The following LIPJ variants were observed in gnomAD, a reference collection of about 807,000 sequenced individuals.
The protein encoded by LIPJ is lipase member J.
LIPJ carries 33 observed loss-of-function variants against 39.8 expected under a neutral mutation model. The ratio of observed to expected loss-of-function variants is 0.83; its 90% CI spans 0.63 to 1.11. LIPJ has a LOEUF of 1.11. LIPJ is among the 50% of genes least tolerant of loss of function. The pLI is 0.00. For synonymous variants in LIPJ, 128 were observed against 139.2 expected, an observed-to-expected ratio of 0.92 and a Z score of 0.57; for missense variants, 422 against 427.9, an observed-to-expected ratio of 0.99 and a Z score of 0.12.
At chr10:88,594,261 C>A in intron 5 of LIPJ, 117 bp downstream of exon 5, 1 of 708,732 alleles carries the variant, frequency 1.4e-6, no homozygotes, top group Non-Finnish European at 2.3e-6. Flanking sequence ...TTTCCATAGA[C>A]TATTACAATT....
the LIPJ span, among the ~76,000 whole-genome samples, chr10:88,619,257 T>C: frequency 1.8e-4 from 27 of 151,230 alleles, no homozygotes; most frequent in African/African-American, 6.6e-4. Flanking sequence ...ACCAGCTGTA[T>C]GGTCTGGGCA....
intron 8 of LIPJ, among the ~76,000 whole-genome samples, chr10:88,598,426 T>C (rs1227022367): frequency 6.6e-6 from 1 of 152,032 alleles, no homozygotes; most frequent in Non-Finnish European, 1.5e-5. Context: ...GGAAAATGTA[T>C]CATCAAACAA....
chr10:88,598,977 T>A (rs1851360810), intron 8 of LIPJ, among the ~76,000 whole-genome samples: 1 of 141,878 alleles, frequency 7.0e-6, no homozygotes, highest in Non-Finnish European at 1.5e-5. Flanking sequence ...ATTATATTAT[T>A]ACAATAATAT....
chr10:88,595,272 A>G (rs1474950229), intron 6 of LIPJ, among the ~76,000 whole-genome samples: 2 of 151,766 alleles, frequency 1.3e-5, no homozygotes, highest in South Asian at 2.1e-4. Flanking sequence ...TCTAATGCCT[A>G]TCTAATACAT....
the LIPJ span, among the ~76,000 whole-genome samples, chr10:88,616,438 A>G: frequency 6.6e-6 from 1 of 152,346 alleles, no homozygotes; most frequent in Non-Finnish European, 1.5e-5. Flanking sequence ...GGCTCAAAGC[A>G]TAAGATCCTC....
chr10:88,583,637 T>G, upstream of LIPJ: 1 of 988,878 alleles, frequency 1.0e-6, no homozygotes, highest in Non-Finnish European at 1.2e-6. Flanking sequence ...AAGAAGAATT[T>G]ACCAGCGATA....
chr10:88,602,283 G>T (rs975209702), intron 8 of LIPJ, among the ~76,000 whole-genome samples: 5 of 151,860 alleles, frequency 3.3e-5, no homozygotes, highest in African/African-American at 1.2e-4. Context: ...GCTTTCAAAA[G>T]GTGTATGTGT....
At chr10:88,618,271 A>G in the LIPJ span, 25 of 152,140 alleles carry the variant, frequency 1.6e-4, no homozygotes, top group African/African-American at 5.8e-4. Context: ...TGTTGCTGGC[A>G]TTTTCACCTA....
intron 2 of LIPJ, among the ~76,000 whole-genome samples, chr10:88,590,188 C>T (rs771552723): frequency 4.0e-5 from 6 of 151,640 alleles, no homozygotes; most frequent in South Asian, 2.1e-4. Flanking sequence ...TTCCCCTCCC[C>T]GCTAAAAAAA....
intron 9 of LIPJ, among the ~76,000 whole-genome samples, chr10:88,604,183 T>G (rs1271314721): frequency 3.3e-5 from 5 of 152,096 alleles, no homozygotes; most frequent in Non-Finnish European, 7.4e-5. Flanking sequence ...GGGTTGTACT[T>G]TTGAATAGAA....
the LIPJ span, among the ~76,000 whole-genome samples, chr10:88,619,701 A>T: frequency 6.6e-6 from 1 of 152,132 alleles, no homozygotes; most frequent in African/African-American, 2.4e-5. Context: ...CAATTTTGGA[A>T]TGTTTTAAAA....
At chr10:88,582,960 G>A (rs771343562), upstream of LIPJ, 51 of 1,244,802 alleles carry the variant, frequency 4.1e-5, no homozygotes, top group Admixed American at 8.0e-5. Context: ...GCCGCTCAGG[G>A]AGCTGAGGGT....
chr10:88,613,480 G>C, the LIPJ span, among the ~76,000 whole-genome samples: 3 of 151,878 alleles, frequency 2.0e-5, no homozygotes, highest in African/African-American at 7.3e-5. Context: ...TTTTTCACTG[G>C]TTGTATACAT....
chr10:88,583,374 G>A, upstream of LIPJ: 1 of 1,393,204 alleles, frequency 7.2e-7, no homozygotes, highest in South Asian at 1.6e-5. Flanking sequence ...GGAGCTGAGA[G>A]GCCCCTCCGT....
At chr10:88,619,992 C>T in the LIPJ span, among the ~76,000 whole-genome samples, 1 of 152,024 alleles carries the variant, frequency 6.6e-6, no homozygotes, top group South Asian at 2.1e-4. Context: ...AATATTTGCA[C>T]AATTTATCAT....
At chr10:88,616,558 G>C in the LIPJ span, among the ~76,000 whole-genome samples, 1 of 152,208 alleles carries the variant, frequency 6.6e-6, no homozygotes, top group Non-Finnish European at 1.5e-5. Flanking sequence ...CTGAGGCGGG[G>C]GATCCTCAGG....
upstream of LIPJ, chr10:88,584,373 A>G (rs192941064): frequency 7.2e-5 from 11 of 152,360 alleles, no homozygotes; most frequent in East Asian, 2.1e-3. Flanking sequence ...ACAAAACAAA[A>G]TACAAATAGT....
At chr10:88,583,904 G>T (rs1850810191), upstream of LIPJ, 1 of 185,214 alleles carries the variant, frequency 5.4e-6, no homozygotes, top group Non-Finnish European at 1.0e-5. Context: ...ATGTTCTAAG[G>T]AATATAAAGA....
At chr10:88,593,949 A>G (rs1430538147) in exon 5 of LIPJ, 4 of 1,609,626 alleles carry the variant, frequency 2.5e-6, no homozygotes, top group Non-Finnish European at 8.5e-7. Flanking sequence ...TTCTCAGCTC[A>G]GAGGGTTGTT....
Sources: allele counts gnomAD v4.1 joint callset (sites outside exome capture counted in the v4.1 genomes callset), GRCh38; gene constraint gnomAD v4.1.1; transcripts MANE v1.5; gene names NCBI Gene and HGNC (gene_info 2026-07-23, HGNC 2026-07-21).